Variants in ALK observed in about 807,000 individuals in gnomAD.
ALK encodes the protein ALK receptor tyrosine kinase, also known as ALK tyrosine kinase receptor.
Under a neutral mutation model 163.1 loss-of-function variants are expected in ALK, and 74 were observed. That is an observed-to-expected ratio of 0.45 (90% CI 0.38 to 0.55). The LOEUF (loss-of-function observed/expected upper bound fraction) is 0.55, where lower values mean the gene tolerates loss of function less well. Among genes scored for constraint, ALK ranks in the 20% least tolerant of loss-of-function variants. The pLI, the probability that ALK is intolerant of heterozygous loss-of-function variation, is 0.00. For missense variants in ALK, 2,063 were observed against 2,105.3 expected (o/e 0.98, Z 0.39); for synonymous variants, 960 against 843.2 (o/e 1.14, Z -2.40).
chr2:29,523,711 A>T (rs1672874886), intron 4 of ALK, among the ~76,000 whole-genome samples: 1 of 152,150 alleles, frequency 6.6e-6, no homozygotes, highest in African/African-American at 2.4e-5. Context: ...ACGGGGTTAC[A>T]GGTATTCACA....
chr2:29,296,565 C>T (rs554023182), intron 9 of ALK, among the ~76,000 whole-genome samples: 1 of 152,304 alleles, frequency 6.6e-6, no homozygotes, highest in South Asian at 2.1e-4. Flanking sequence ...TAAAACCAAA[C>T]TGTTATTTGG....
chr2:29,528,679 C>A (rs922825066), intron 4 of ALK, among the ~76,000 whole-genome samples: 2 of 152,138 alleles, frequency 1.3e-5, no homozygotes, highest in African/African-American at 4.8e-5. Flanking sequence ...GGACCTAGCA[C>A]TTATTAGTGC....
chr2:29,890,123 G>A lies in ALK; in HGVS notation c.667+29870C>T, dbSNP rs150288511. 2.5e-3 allele frequency among the ~76,000 whole-genome samples: 387 copies of A among 152,264 alleles called. 2 individuals carry two copies. The highest frequency in any genetic ancestry group is 8.8e-3 in the African/African-American group (367 of 41,544). On this transcript the variant is annotated intron_variant, in intron 1 of 28. Coordinates refer to ENST00000389048, the MANE Select transcript of ALK (RefSeq NM_004304.5). ...TAACCAGGCATTTATCTTGACAATT[G>A]ACTCTATGCCCTCTGCCCCTTAGCA...
chr2:29,824,656 T>A (rs148774291), intron 1 of ALK, among the ~76,000 whole-genome samples: 1 of 152,250 alleles, frequency 6.6e-6, no homozygotes, highest in East Asian at 1.9e-4. Context: ...CCCTTTGTTT[T>A]GGTCAATTTC....
chr2:29,912,150 G>C (rs1572494998), intron 1 of ALK, among the ~76,000 whole-genome samples: 1 of 152,096 alleles, frequency 6.6e-6, no homozygotes, highest in Non-Finnish European at 1.5e-5. Flanking sequence ...TGTAATCAGA[G>C]TCTCAGGAGA....
intron 5 of ALK, among the ~76,000 whole-genome samples, chr2:29,381,537 C>T (rs1432002305): frequency 1.3e-5 from 2 of 152,204 alleles, no homozygotes; most frequent in Non-Finnish European, 2.9e-5. Context: ...CAAGGAAGAG[C>T]TGTGGAGTTC....
intron 1 of ALK, among the ~76,000 whole-genome samples, chr2:29,907,868 C>A (rs975832486): frequency 1.3e-5 from 2 of 152,140 alleles, no homozygotes; most frequent in African/African-American, 4.8e-5. Flanking sequence ...CAACCACTTG[C>A]CCCTCAAACC....
At position 29,448,926 on chromosome 2, in the gene ALK, A is replaced by G. The variant is rs573422829; in HGVS notation, c.1155-65067T>C. On this transcript the variant is annotated intron_variant, in intron 4 of 28. Coordinates refer to ENST00000389048, the MANE Select transcript of ALK (RefSeq NM_004304.5). ...GGGATCTCGCTGCTTCCCCCAAGGC[A>G]GCTGACTCATCTCAACCTCTCAGTG... Among the ~76,000 whole-genome samples the G allele has an allele frequency of 3.3e-5, 5 of 152,300 alleles. No individual in the cohort carries two copies. The East Asian group carries it at 9.6e-4, about 29-fold the overall frequency.
At chr2:29,733,179 A>G (rs1316975101) in intron 1 of ALK, among the ~76,000 whole-genome samples, 1 of 152,214 alleles carries the variant, frequency 6.6e-6, no homozygotes, top group African/African-American at 2.4e-5. Context: ...TAGGAACAAG[A>G]GTAACCTAGC....
chr2:29,198,841 T>G (rs779373111), intron 26 of ALK, among the ~76,000 whole-genome samples: 6 of 152,244 alleles, frequency 3.9e-5, no homozygotes. Flanking sequence ...TTGCCCATTT[T>G]TATCTGCTGG....
At chr2:29,329,374 C>T (rs1667371761) in intron 5 of ALK, among the ~76,000 whole-genome samples, 5 of 152,216 alleles carry the variant, frequency 3.3e-5, no homozygotes, top group Admixed American at 3.3e-4. Context: ...TGGGGACCAC[C>T]TCACAAGGCC....
chr2:29,215,126 T>C (rs1669566470), intron 23 of ALK, among the ~76,000 whole-genome samples: 1 of 152,220 alleles, frequency 6.6e-6, no homozygotes. Context: ...CTTGAGCACC[T>C]GGGCAAACTC....
At chr2:29,837,581 T>A (rs765290313) in intron 1 of ALK, among the ~76,000 whole-genome samples, 1 of 152,166 alleles carries the variant, frequency 6.6e-6, no homozygotes, top group South Asian at 2.1e-4. Context: ...GATAAATTCA[T>A]AGAAGCCCCA....
At position 29,524,802 on chromosome 2, in the gene ALK, TGATG is replaced by T. The variant is rs375415256; in HGVS notation, c.1154+7109_1154+7112del. Among the ~76,000 whole-genome samples, 1,244 of 151,308 alleles carry T rather than the reference TGATG, an allele frequency of 8.2e-3. 17 individuals carry two copies. The highest frequency in any genetic ancestry group is 0.028 in the African/African-American group (1,135 of 41,200). On this transcript the variant is annotated intron_variant, in intron 4 of 28. Coordinates refer to ENST00000389048, the MANE Select transcript of ALK (RefSeq NM_004304.5). The stretch of plus-strand genomic sequence containing the variant: ...TAGATGGATTAATGGATGAATGGAT[TGATG>T]GATGGATGGATGGATGGATGAATGG...
chr2:29,386,470 G>T (rs1181950756), intron 4 of ALK, among the ~76,000 whole-genome samples: 1 of 152,192 alleles, frequency 6.6e-6, no homozygotes, highest in Non-Finnish European at 1.5e-5. Context: ...GACAAAAAGA[G>T]CCGAATTTGT....
intron 1 of ALK, among the ~76,000 whole-genome samples, chr2:29,871,358 C>T (rs187635725): frequency 4.6e-5 from 7 of 152,310 alleles, no homozygotes; most frequent in South Asian, 2.1e-4. Context: ...TCCTACTGGA[C>T]GGAATGTCCT....
chr2:29,319,562 AG>A (rs1168534338), intron 7 of ALK, among the ~76,000 whole-genome samples: 3 of 152,138 alleles, frequency 2.0e-5, no homozygotes, highest in Non-Finnish European at 4.4e-5. Context: ...AGGGGGCAAA[AG>A]GCATGATAAA....
chr2:29,425,457 T>C (rs1345292369), intron 4 of ALK, among the ~76,000 whole-genome samples: 1 of 152,206 alleles, frequency 6.6e-6, no homozygotes, highest in Non-Finnish European at 1.5e-5. Flanking sequence ...TCCCTTACTC[T>C]ATCCAGTTCT....
chr2:29,434,798 C>T (rs1670359480), intron 4 of ALK, among the ~76,000 whole-genome samples: 1 of 152,158 alleles, frequency 6.6e-6, no homozygotes, highest in African/African-American at 2.4e-5. Flanking sequence ...CATTGCTGAG[C>T]TCAGGGTTGA....
Sources: gnomAD v4.1 joint callset for allele counts (sites outside exome capture counted in the v4.1 genomes callset) on GRCh38, gnomAD v4.1.1 for gene constraint, MANE v1.5 for transcripts, NCBI Gene and HGNC (gene_info 2026-07-23, HGNC 2026-07-21) for gene names.